Variants in YWHAZ observed in about 807,000 individuals in gnomAD.
The protein encoded by YWHAZ is tyrosine 3-monooxygenase/tryptophan 5-monooxygenase activation protein zeta, also known as 14-3-3 protein zeta/delta.
For synonymous variants in YWHAZ, 87 were observed against 103.6 expected, an observed-to-expected ratio of 0.84 and a Z score of 0.97; for missense variants, 79 against 284.8, an observed-to-expected ratio of 0.28 and a Z score of 5.20.
chr8:100,923,747 T>C (rs1192969008), intron 5 of YWHAZ: 2 of 434,604 alleles, frequency 4.6e-6, no homozygotes, highest in African/African-American at 4.1e-5. Flanking sequence ...CATCAATGTG[T>C]GTATTTTTTA....
At chr8:100,949,624 G>A (rs1810559136) in intron 1 of YWHAZ, among the ~76,000 whole-genome samples, 1 of 152,146 alleles carries the variant, frequency 6.6e-6, no homozygotes, top group African/African-American at 2.4e-5. Context: ...CGCAAGTCAT[G>A]ACACTTCAAC....
In YWHAZ at chr8:100,924,885, A is replaced by G. The variant is rs1334927995; in HGVS notation, c.418+31T>C. On this transcript the variant is annotated intron_variant, in intron 3 of 5. Coordinates refer to ENST00000395958, the MANE Select transcript of YWHAZ (RefSeq NM_145690.3). This position sits in a 1 kb window ranked among gnomAD's most constrained non-coding sequence, Gnocchi z 5.7. ...CTTCCTCACTATGTTATCTTATACA[A>G]GTTCAACCAACAGGTTTAAAAACAG... 1.2e-6 allele frequency: 2 copies of G among 1,611,042 alleles called. No individual in the cohort carries two copies. Among genetic ancestry groups the G allele is most frequent in the Non-Finnish European group, 1.7e-6 (2 of 1,179,408 alleles).
intron 1 of YWHAZ, chr8:100,951,620 C>A (rs1810791108): frequency 1.0e-6 from 1 of 985,168 alleles, no homozygotes; most frequent in Admixed American, 6.2e-5. Context: ...GAGCCGGCGA[C>A]AGGGAGATCC....
chr8:100,948,920 A>G lies in YWHAZ; in HGVS notation c.-11-20T>C. 6.5e-7 allele frequency: 1 copy of G among 1,548,986 alleles called. No homozygotes were observed. The highest frequency in any genetic ancestry group is 8.6e-7 in the Non-Finnish European group (1 of 1,158,264). Reference sequence around the variant, plus strand: ...GATGTTCTGCAGGGGGGAAAAAAGGAGTATTTAAAATTTTTCCCATCAAAA... The same window carrying G: ...GATGTTCTGCAGGGGGGAAAAAAGGGGTATTTAAAATTTTTCCCATCAAAA... On this transcript the variant is annotated intron_variant, in intron 1 of 5. Coordinates refer to ENST00000395958, the MANE Select transcript of YWHAZ (RefSeq NM_145690.3). The surrounding 1 kb of genome is among the most constrained non-coding windows in gnomAD (Gnocchi z 4.2).
chr8:100,951,241 G>A, intron 1 of YWHAZ: 1 of 984,930 alleles, frequency 1.0e-6, no homozygotes, highest in Non-Finnish European at 1.2e-6. Flanking sequence ...CTACCTGGCG[G>A]GCGCCGCCGC....
At chr8:100,953,118 T>TCGGG (rs1810920175), upstream of YWHAZ, 7 of 987,624 alleles carry the variant, frequency 7.1e-6, no homozygotes, top group South Asian at 1.4e-4. Context: ...GACAGCCTTC[T>TCGGG]CGGGCGGAGG....
rs550127146 is a variant in YWHAZ, at chr8:100,939,519, C to T, written c.294+9077G>A. Among the ~76,000 whole-genome samples, 9 of 151,902 alleles carry T rather than the reference C, an allele frequency of 5.9e-5. No individual in the cohort carries two copies. The East Asian group carries it at 1.2e-3, about 20-fold the overall frequency. On this transcript the variant is annotated intron_variant, in intron 2 of 5. Coordinates refer to ENST00000395958, the MANE Select transcript of YWHAZ (RefSeq NM_145690.3). ...TACTAAAATACAAAAATCAGCTGGG[C>T]GTGGTGGTGCATGCCTGTAATCCCA...
In YWHAZ at chr8:100,920,795, TGGG is replaced by T. The variant is rs371689979; in HGVS notation, c.679-46_679-44del. On this transcript the variant is annotated intron_variant, in intron 5 of 5. Transcript: ENST00000395958. ...GATTTTTCAGCAAGTTTCAGTGGGA[TGGG>T]GGGGGGGGGGCGTTTTCATATAAGT... The T allele has an allele frequency of 4.7e-3, 416 of 88,046 alleles. 6 individuals carry two copies. Among genetic ancestry groups the T allele is most frequent in the Middle Eastern group, 0.012 (8 of 670 alleles). The allele number at this position is 88,046 out of a possible 1,614,324, so 5.5% of individuals were successfully genotyped here.
intron 2 of YWHAZ, among the ~76,000 whole-genome samples, chr8:100,934,653 T>C (rs1036359492): frequency 6.6e-6 from 1 of 152,076 alleles, no homozygotes; most frequent in South Asian, 2.1e-4. Flanking sequence ...CCATCTGCAC[T>C]CCAACCTGGG....
intron 2 of YWHAZ, among the ~76,000 whole-genome samples, chr8:100,929,619 C>G (rs1376828211): frequency 6.6e-6 from 1 of 152,192 alleles, no homozygotes; most frequent in Non-Finnish European, 1.5e-5. Flanking sequence ...GAACTTATTT[C>G]TACTATCTAA....
intron 2 of YWHAZ, among the ~76,000 whole-genome samples, chr8:100,933,926 G>A (rs1813937763): frequency 6.6e-6 from 1 of 151,976 alleles, no homozygotes; most frequent in Admixed American, 6.6e-5. Context: ...GGAGGCCGAG[G>A]TGGGTGGATC....
chr8:100,935,262 T>A (rs1249585903), intron 2 of YWHAZ, among the ~76,000 whole-genome samples: 1 of 152,226 alleles, frequency 6.6e-6, no homozygotes, highest in Non-Finnish European at 1.5e-5. Context: ...CACTCAAAAA[T>A]ATTAAACTCC....
At chr8:100,944,491 A>AT (rs1184472612) in intron 2 of YWHAZ, among the ~76,000 whole-genome samples, 1 of 152,180 alleles carries the variant, frequency 6.6e-6, no homozygotes, top group Non-Finnish European at 1.5e-5. Flanking sequence ...TAGACACACA[A>AT]TTTTACACTG....
rs1209222694 is a variant in YWHAZ at position 100,917,737 on chromosome 8, A to G, written c.*2956T>C. ...CGTCTTAAAAACAAACGAACAAAAA[A>G]ATTCCAGTACTTTACACACAAAAAG... is the stretch of plus-strand genomic sequence containing the variant. On this transcript the variant is annotated 3_prime_UTR_variant, in exon 6 of 6. Transcript: ENST00000395958. 1 of 152,102 alleles carries G rather than the reference A, an allele frequency of 6.6e-6. No homozygotes were observed. Among genetic ancestry groups the G allele is most frequent in the African/African-American group, 2.4e-5 (1 of 41,414 alleles). The allele number at this position is 152,102 out of a possible 1,614,324, so 9.4% of individuals were successfully genotyped here.
At position 100,924,388 on chromosome 8, in the gene YWHAZ, TG is replaced by T. The variant is rs1813221417; in HGVS notation, c.419-91del. On this transcript the variant is annotated intron_variant, in intron 3 of 5. Coordinates refer to ENST00000395958, the MANE Select transcript of YWHAZ (RefSeq NM_145690.3). This position sits in a 1 kb window ranked among gnomAD's most constrained non-coding sequence, Gnocchi z 5.7. ...AACCTTTAATATCTCACATATCCTT[TG>T]AAATACTAACCTGTAACAGCTTAAT... The T allele has an allele frequency of 2.3e-6, 3 of 1,323,248 alleles. No individual in the cohort carries two copies. In the Admixed American group the frequency reaches 7.2e-5, roughly 32 times the overall value. The allele number at this position is 1,323,248 out of a possible 1,614,324, so 82.0% of individuals were successfully genotyped here. A position where few individuals can be genotyped will look rare whatever the true frequency, so the allele number is the denominator to read the frequency against.
chr8:100,952,789 C>T (rs1356656571), upstream of YWHAZ: 1 of 1,000,010 alleles, frequency 1.0e-6, no homozygotes, highest in South Asian at 4.7e-5. Context: ...TCCCCTTCCC[C>T]GGCTGGGCCG....
chr8:100,918,482 CAGTA>C lies in YWHAZ; in HGVS notation c.*2207_*2210del, dbSNP rs1421712552. On this transcript the variant is annotated 3_prime_UTR_variant, in exon 6 of 6. Transcript: ENST00000395958. ...CCTTGGCTTGGGGGTCAGGAGAAAT[CAGTA>C]AGTGAGGTAAAAGAAAGAGCTGCGA... is the stretch of plus-strand genomic sequence containing the variant. 8.0e-6 allele frequency: 1 copy of C among 125,556 alleles called. No homozygotes were observed. Among genetic ancestry groups the C allele is most frequent in the East Asian group, 2.7e-4 (1 of 3,740 alleles). The allele number at this position is 125,556 out of a possible 1,614,324, so 7.8% of individuals were successfully genotyped here. A position where few individuals can be genotyped will look rare whatever the true frequency, so the allele number is the denominator to read the frequency against.
chr8:100,951,642 G>T (rs1448457304), intron 1 of YWHAZ: 1 of 985,126 alleles, frequency 1.0e-6, no homozygotes, highest in Admixed American at 6.2e-5. Flanking sequence ...CAGGGATCTC[G>T]CGTGTGGGCG....
intron 2 of YWHAZ, among the ~76,000 whole-genome samples, chr8:100,947,791 T>C (rs529265875): frequency 1.3e-4 from 20 of 152,354 alleles, no homozygotes; most frequent in Admixed American, 4.6e-4. Context: ...AGCCCTTCCA[T>C]ACTGGTTAAG....
Sources: gnomAD v4.1 joint callset for allele counts (sites outside exome capture counted in the v4.1 genomes callset) on GRCh38, gnomAD v4.1.1 for gene constraint, Gnocchi (gnomAD v3.1) non-coding constraint, MANE v1.5 for transcripts, NCBI Gene and HGNC (gene_info 2026-07-23, HGNC 2026-07-21) for gene names.